The following KIF6 variants were observed in gnomAD, a reference collection of about 807,000 sequenced individuals.
KIF6 encodes the protein kinesin family member 6.
In KIF6, 106 loss-of-function variants were observed where a neutral mutation model predicts 112.7. The observed-to-expected ratio is 0.94, with a 90% CI of 0.80 to 1.11. The LOEUF (loss-of-function observed/expected upper bound fraction) is 1.11. Ranked by LOEUF, KIF6 falls within the 50% of genes least tolerant of loss-of-function variation. The pLI is 0.00. For synonymous variants in KIF6, 339 were observed against 339.9 expected, an observed-to-expected ratio of 1.00 and a Z score of 0.03; for missense variants, 929 against 964.0, an observed-to-expected ratio of 0.96 and a Z score of 0.48.
At chr6:39,405,857 T>C (rs978267091) in intron 15 of KIF6, among the ~76,000 whole-genome samples, 3 of 152,210 alleles carry the variant, frequency 2.0e-5, no homozygotes, top group African/African-American at 4.8e-5. Flanking sequence ...TCAATTCCTT[T>C]AGTAGATGGT....
chr6:39,357,381 G>A lies in KIF6; in HGVS notation c.2083-7C>T. 6.3e-7 allele frequency: 1 copy of A among 1,592,006 alleles called. No individual in the cohort carries two copies. The highest frequency in any genetic ancestry group is 8.6e-7 in the Non-Finnish European group (1 of 1,160,444). On this transcript the variant is annotated splice_polypyrimidine_tract_variant and splice_region_variant and intron_variant, in intron 18 of 22. Coordinates refer to ENST00000287152, the MANE Select transcript of KIF6 (RefSeq NM_145027.6). ...TCACTGCTGGAGAATTTACCTGTTG[G>A]CCCCAGAAGGAGTTTCACAGTGTTA... is the stretch of plus-strand genomic sequence containing the variant.
At chr6:39,357,983 A>C (rs1764844341) in intron 18 of KIF6, among the ~76,000 whole-genome samples, 1 of 152,232 alleles carries the variant, frequency 6.6e-6, no homozygotes, top group Non-Finnish European at 1.5e-5. Flanking sequence ...ATTGTTTAAA[A>C]TGTTATCTTC....
At chr6:39,725,194 C>G in intron 1 of KIF6, 51 bp downstream of exon 1, 1 of 1,538,686 alleles carries the variant, frequency 6.5e-7, no homozygotes, top group Non-Finnish European at 8.9e-7. Context: ...CCGCCCGACC[C>G]CAGCCCAAGA....
chr6:39,571,453 C>A (rs1780633433), intron 10 of KIF6, among the ~76,000 whole-genome samples: 1 of 152,216 alleles, frequency 6.6e-6, no homozygotes, highest in Non-Finnish European at 1.5e-5. Context: ...TTTTCCTTTT[C>A]AGCTTCTGCA....
chr6:39,606,365 C>G (rs948473836), intron 6 of KIF6, among the ~76,000 whole-genome samples: 1 of 152,024 alleles, frequency 6.6e-6, no homozygotes, highest in African/African-American at 2.4e-5. Context: ...AGAACAAGCC[C>G]TGTGCTCTCT....
intron 3 of KIF6, among the ~76,000 whole-genome samples, chr6:39,713,437 T>A (rs1016902108): frequency 6.6e-6 from 1 of 152,146 alleles, no homozygotes; most frequent in Non-Finnish European, 1.5e-5. Flanking sequence ...GTAGTGAATA[T>A]AGTAGGCCAT....
chr6:39,442,016 C>A (rs1771945910), intron 13 of KIF6, among the ~76,000 whole-genome samples: 1 of 152,174 alleles, frequency 6.6e-6, no homozygotes, highest in African/African-American at 2.4e-5. Context: ...TTAGGAGACC[C>A]ACCCAATGGT....
intron 19 of KIF6, among the ~76,000 whole-genome samples, chr6:39,348,996 A>T (rs1764006535): frequency 6.6e-6 from 1 of 152,208 alleles, no homozygotes; most frequent in African/African-American, 2.4e-5. Context: ...GAGGCAAGGG[A>T]ATCCCAAAGT....
intron 13 of KIF6, among the ~76,000 whole-genome samples, chr6:39,454,939 G>C (rs1028962889): frequency 6.6e-6 from 1 of 152,080 alleles, no homozygotes; most frequent in African/African-American, 2.4e-5. Context: ...AGCGAGGCTG[G>C]GGGAGGGGCG....
chr6:39,718,229 C>CAAAAAAAAAAAAAA (rs35872391), intron 2 of KIF6, among the ~76,000 whole-genome samples: 1 of 58,950 alleles, frequency 1.7e-5, no homozygotes, highest in Non-Finnish European at 3.0e-5. Context: ...GACTCCATCT[C>CAAAAAAAAAAAAAA]AAAAAAAAAA....
intron 7 of KIF6, among the ~76,000 whole-genome samples, chr6:39,594,798 C>G (rs566966925): frequency 6.6e-6 from 1 of 152,256 alleles, no homozygotes; most frequent in African/African-American, 2.4e-5. Context: ...TCACAAGACT[C>G]TGTACTTCTC....
chr6:39,438,483 C>T (rs1031019529), intron 13 of KIF6, among the ~76,000 whole-genome samples: 1 of 151,768 alleles, frequency 6.6e-6, no homozygotes, highest in Non-Finnish European at 1.5e-5. Context: ...AAGGTCCTGA[C>T]ACTGTGTCTT....
chr6:39,452,123 C>T (rs187982603), intron 13 of KIF6, among the ~76,000 whole-genome samples: 2 of 152,298 alleles, frequency 1.3e-5, no homozygotes, highest in Non-Finnish European at 2.9e-5. Context: ...GTTTACAAAT[C>T]CTGTCTTGTC....
chr6:39,388,001 C>G (rs1336225899), intron 15 of KIF6, among the ~76,000 whole-genome samples: 1 of 152,152 alleles, frequency 6.6e-6, no homozygotes, highest in Non-Finnish European at 1.5e-5. Context: ...TACCACGAGC[C>G]TCTCATATGA....
intron 13 of KIF6, among the ~76,000 whole-genome samples, chr6:39,437,554 G>GCT (rs150338364): frequency 5.3e-5 from 8 of 150,956 alleles, no homozygotes; most frequent in Non-Finnish European, 1.0e-4. Context: ...TGTATCCATT[G>GCT]CTCTCTCTCT....
At chr6:39,584,459 A>AAAAAAAAGAC (rs1561836472) in intron 9 of KIF6, among the ~76,000 whole-genome samples, 100 of 128,544 alleles carry the variant, frequency 7.8e-4, no homozygotes, top group East Asian at 1.4e-3. Flanking sequence ...AAAAAAAAAA[A>AAAAAAAAGAC]AGACTATTAT....
At chr6:39,537,747 C>T (rs988057552) in intron 13 of KIF6, among the ~76,000 whole-genome samples, 1 of 152,118 alleles carries the variant, frequency 6.6e-6, no homozygotes, top group African/African-American at 2.4e-5. Flanking sequence ...AAAAAAGAGC[C>T]CGCATCACCA....
intron 14 of KIF6, among the ~76,000 whole-genome samples, chr6:39,424,498 T>C (rs1014541034): frequency 1.4e-4 from 21 of 152,310 alleles, no homozygotes; most frequent in African/African-American, 4.8e-4. Flanking sequence ...TCCATAAATA[T>C]TTGTAGAATA....
In KIF6 at chr6:39,460,772, C is replaced by G. The variant is rs1031557793; in HGVS notation, c.1646-29611G>C. Among the ~76,000 whole-genome samples, 4 of 152,114 alleles carry G rather than the reference C, an allele frequency of 2.6e-5. No homozygotes were observed. The East Asian group carries it at 7.7e-4, about 29-fold the overall frequency. On this transcript the variant is annotated intron_variant, in intron 13 of 22. Transcript: ENST00000287152. ...ACAAAATACTCACTTCTGCACTTTA[C>G]TCTTATAGAAAGTGCAAACTCTAGC...
Sources: gnomAD v4.1 joint callset for allele counts (sites outside exome capture counted in the v4.1 genomes callset) on GRCh38, gnomAD v4.1.1 for gene constraint, MANE v1.5 for transcripts, NCBI Gene and HGNC (gene_info 2026-07-23, HGNC 2026-07-21) for gene names.